The following MYO15A variants were observed in gnomAD, a reference collection of about 807,000 sequenced individuals.
The protein encoded by MYO15A is unconventional myosin-XV.
A neutral mutation model predicts 394.6 loss-of-function variants in MYO15A; 308 were observed. That is an observed-to-expected ratio of 0.78 (90% CI 0.71 to 0.86). The LOEUF (loss-of-function observed/expected upper bound fraction) is 0.86. Ranked by LOEUF, MYO15A falls within the 40% of genes least tolerant of loss-of-function variation. The pLI, the probability that MYO15A is intolerant of heterozygous loss-of-function variation, is 0.00. For synonymous variants in MYO15A, 1,957 were observed against 2,003.8 expected (o/e 0.98, Z 0.62); for missense variants, 4,606 against 4,799.1 (o/e 0.96, Z 1.19).
chr17:18,149,143 G>C, intron 33 of MYO15A, 73 bp from the exon 34 acceptor site: 1 of 1,586,288 alleles, frequency 6.3e-7, no homozygotes, highest in South Asian at 1.1e-5. Flanking sequence ...TGAATACCAG[G>C]GTGCAGAAGA....
At chr17:18,139,692 A>T in intron 19 of MYO15A, 81 bp downstream of exon 19, 2 of 1,518,934 alleles carry the variant, frequency 1.3e-6, no homozygotes, top group Non-Finnish European at 1.8e-6. Flanking sequence ...CAGGCCTGGG[A>T]CCGTGTTGCC....
chr17:18,136,368 A>C, intron 13 of MYO15A, 49 bp from the exon 14 acceptor site: 1 of 1,610,692 alleles, frequency 6.2e-7, no homozygotes, highest in Non-Finnish European at 8.5e-7. Context: ...GGCTTTCCGG[A>C]GGCAGAGTGG....
At chr17:18,174,669 C>G (rs1404554918) in intron 65 of MYO15A, among the ~76,000 whole-genome samples, 1 of 152,156 alleles carries the variant, frequency 6.6e-6, no homozygotes, top group Non-Finnish European at 1.5e-5. Flanking sequence ...TCTCACACCC[C>G]CCTGGGGTCA....
rs1381235024 is a variant in MYO15A, at chr17:18,151,857, G to A, written c.7799G>A (p.Gly2600Glu). 1.3e-6 allele frequency: 2 copies of A among 1,576,428 alleles called. No homozygotes were observed. The highest frequency in any genetic ancestry group is 2.7e-5 in the African/African-American group (2 of 74,580). Reference protein sequence around the residue: ...GRPEALRKDGGKVFMKRPDPH... With the variant: ...GRPEALRKDGEKVFMKRPDPH... ...TCCAATGCCCACAGGAAGGATGGCGGGAAAGTGTTCATGAAGCGGCCAGAC... is the reference window on the plus strand; with the variant it reads ...TCCAATGCCCACAGGAAGGATGGCGAGAAAGTGTTCATGAAGCGGCCAGAC... The change falls in exon 41 of 66, where the codon GGG (glycine) becomes GAG (glutamate). Residue 2600 changes from glycine to glutamate, a missense_variant. Coordinates refer to ENST00000647165, the MANE Select transcript of MYO15A (RefSeq NM_016239.4).
At chr17:18,142,683 G>T (rs1331107783) in intron 24 of MYO15A, 73 bp from the exon 25 acceptor site, 2 of 1,330,218 alleles carry the variant, frequency 1.5e-6, no homozygotes, top group African/African-American at 2.9e-5. Flanking sequence ...AGGCTGGCAA[G>T]GGCCTCTCTA....
intron 1 of MYO15A, among the ~76,000 whole-genome samples, chr17:18,116,732 C>A (rs1200388680): frequency 6.6e-6 from 1 of 151,946 alleles, no homozygotes; most frequent in Admixed American, 6.6e-5. Context: ...ACCATCCCGG[C>A]CAACATGGTA....
chr17:18,120,828 C>T lies in MYO15A; in HGVS notation c.2028C>T (p.Pro676=), dbSNP rs577023485. The part of the protein sequence containing the change: ...PPRPPSSGPP[P]APPLSPALSG... ...GGCCCCCAAGCTCCGGGCCCCCGCCCGCGCCGCCGCTCTCCCCGGCGCTCT... is the reference window on the plus strand; with the variant it reads ...GGCCCCCAAGCTCCGGGCCCCCGCCTGCGCCGCCGCTCTCCCCGGCGCTCT... The change falls in exon 2 of 66, where the codon CCC becomes CCT. Residue 676 remains proline, a synonymous_variant. Coordinates refer to ENST00000647165, the MANE Select transcript of MYO15A (RefSeq NM_016239.4). 3.4e-6 allele frequency: 4 copies of T among 1,173,122 alleles called. No individual in the cohort carries two copies. Among genetic ancestry groups the T allele is most frequent in the South Asian group, 2.7e-5 (1 of 37,014 alleles). 72.7% of individuals were successfully genotyped at this position (1,173,122 alleles called of 1,614,324 possible).
At position 18,154,730 on chromosome 17, in the gene MYO15A, G is replaced by C. The variant is rs2046644076; in HGVS notation, c.8199G>C (p.Glu2733Asp). The C allele has an allele frequency of 1.9e-6, 3 of 1,613,786 alleles. No individual in the cohort carries two copies. Among genetic ancestry groups the C allele is most frequent in the Non-Finnish European group, 2.5e-6 (3 of 1,180,024 alleles). ...CCTGCCTTCGCATCTCTGAGGATGA[G>C]AGGCTCAGGATGAAGGCCTTGTTTG... ...SEACLRISED[E>D]RLRMKALFAQ... The change falls in exon 45 of 66, where the codon GAG becomes GAC. Residue 2733 changes from glutamate (E) to aspartate (D), a missense_variant. Around this residue, in one of 2 missense-constraint regions of MYO15A, gnomAD observed 2,776 missense variants for 3,109.3 expected, o/e 0.89. Transcript: ENST00000647165.
chr17:18,160,277 C>T (rs549485080), intron 56 of MYO15A, among the ~76,000 whole-genome samples: 1 of 152,330 alleles, frequency 6.6e-6, no homozygotes, highest in South Asian at 2.1e-4. Flanking sequence ...GTGACAGAAA[C>T]CCAACTCAAT....
At chr17:18,135,870 G>A (rs1036511656) in intron 13 of MYO15A, 46 bp downstream of exon 13, 4 of 1,546,472 alleles carry the variant, frequency 2.6e-6, no homozygotes, top group Middle Eastern at 1.7e-4. Flanking sequence ...TTCTACCAGG[G>A]CCTGGACAGA....
At chr17:18,131,552 CCT>C (rs1222193615) in intron 10 of MYO15A, 21 bp downstream of exon 10, 1 of 1,613,768 alleles carries the variant, frequency 6.2e-7, no homozygotes, top group Admixed American at 1.7e-5. Flanking sequence ...CCCTCCCAGG[CCT>C]CTGTGTTGGG....
chr17:18,166,827 C>T (rs562441397), intron 61 of MYO15A, among the ~76,000 whole-genome samples: 3 of 152,296 alleles, frequency 2.0e-5, no homozygotes, highest in Admixed American at 2.0e-4. Flanking sequence ...CCCTTTCCTT[C>T]GGATGTCTTC....
In MYO15A at chr17:18,157,562, C is replaced by G. The variant is rs1369188893; in HGVS notation, c.8789-160C>G. The G allele has an allele frequency of 2.6e-5, 36 of 1,389,748 alleles. 1 individual carries two copies. The highest frequency in any genetic ancestry group is 2.9e-6 in the Non-Finnish European group (3 of 1,048,126). The allele number at this position is 1,389,748 out of a possible 1,614,324, so 86.1% of individuals were successfully genotyped here. Reference sequence around the variant, plus strand: ...GGCCCTGAGAAAATCCCTTTCTTTCCCTGAGCCTGTTTCCTCATCTGTAAA... The same window carrying G: ...GGCCCTGAGAAAATCCCTTTCTTTCGCTGAGCCTGTTTCCTCATCTGTAAA... On this transcript the variant is annotated intron_variant, in intron 50 of 65. Transcript: ENST00000647165.
chr17:18,140,333 T>C, intron 19 of MYO15A, 184 bp from the exon 20 acceptor site: 2 of 807,690 alleles, frequency 2.5e-6, no homozygotes, highest in Non-Finnish European at 4.0e-6. Context: ...CCTTGGAAGA[T>C]GCTGAGCCCC....
rs887633292 is a variant in MYO15A, at chr17:18,166,471, C to T, written c.9898C>T (p.Gln3300Ter). 1.9e-6 allele frequency: 3 copies of T among 1,614,034 alleles called. No individual in the cohort carries two copies. Among genetic ancestry groups the T allele is most frequent in the Non-Finnish European group, 2.5e-6 (3 of 1,180,038 alleles). ...CTGGTTCCGGCGTGTGCTCTGGGATCAGCCACTCAAGTTCGAGAATGAGCT... is the reference window on the plus strand; with the variant it reads ...CTGGTTCCGGCGTGTGCTCTGGGATTAGCCACTCAAGTTCGAGAATGAGCT... ...MLWFRRVLWD[Q>*]PLKFENELYV... The change falls in exon 61 of 66, where the codon CAG becomes TAG. Residue 3300 changes from glutamine (Q) to a stop codon, truncating the protein, a stop_gained. Coordinates refer to ENST00000647165, the MANE Select transcript of MYO15A (RefSeq NM_016239.4). LOFTEE classifies it high-confidence loss of function.
chr17:18,177,342 C>T (rs1336658339), intron 65 of MYO15A: 1 of 152,240 alleles, frequency 6.6e-6, no homozygotes, highest in Non-Finnish European at 1.5e-5. Flanking sequence ...CTAAGTGCAG[C>T]AGTGTTGCAC....
intron 62 of MYO15A, among the ~76,000 whole-genome samples, chr17:18,169,038 T>C (rs55918833): frequency 0.19 from 28,272 of 148,974 alleles, 2,817 homozygotes; most frequent in Middle Eastern, 0.26. Flanking sequence ...ACTTGAACCC[T>C]GGAGGTGGAG....
Position 18,172,229 on chromosome 17 carries a change from C to G in MYO15A, c.10289C>G (p.Pro3430Arg), listed in dbSNP as rs1368517136. The G allele has an allele frequency of 6.2e-7, 1 of 1,614,246 alleles. No individual in the cohort carries two copies. The highest frequency in any genetic ancestry group is 1.7e-5 in the Admixed American group (1 of 60,022). ...CAGAGCTGCAGCAACATTGCTGTGC[C>G]AGCCCCTTGCATCCTTGCCATCAAC... ...FIQSCSNIAV[P>R]APCILAINHN... is the part of the protein sequence containing the mutation. Residue 3430 changes from proline (P) to arginine (R), a missense_variant, in exon 64 of 66, where the codon CCA (proline) becomes CGA (arginine). Coordinates refer to ENST00000647165, the MANE Select transcript of MYO15A (RefSeq NM_016239.4).
intron 28 of MYO15A, among the ~76,000 whole-genome samples, 185 bp from the exon 29 acceptor site, chr17:18,144,312 C>T (rs2046437284): frequency 6.6e-6 from 1 of 151,830 alleles, no homozygotes; most frequent in African/African-American, 2.4e-5. Flanking sequence ...TTTATCCTGT[C>T]CCTACCACCG....
Sources: gnomAD v4.1 joint callset for allele counts (sites outside exome capture counted in the v4.1 genomes callset) on GRCh38, gnomAD v4.1.1 for gene constraint, gnomAD v4.1.1 regional missense constraint, MANE v1.5 for transcripts, NCBI Gene and HGNC (gene_info 2026-07-23, HGNC 2026-07-21) for gene names.